TNNT2: variants seen among roughly 807,000 people sequenced by gnomAD.
TNNT2 encodes the protein troponin T2, cardiac type.
A neutral mutation model predicts 62.4 loss-of-function variants in TNNT2; 34 were observed. The observed-to-expected ratio is 0.54, with a 90% confidence interval of 0.41 to 0.72. The LOEUF is 0.72. TNNT2 is among the 30% of genes least tolerant of loss of function. The probability of loss-of-function intolerance (pLI) is 0.00; values close to 1 mark genes in which losing one functional copy is unlikely to be tolerated. For synonymous variants in TNNT2, 123 were observed against 127.2 expected (o/e 0.97, Z 0.22); for missense variants, 275 against 381.9 (o/e 0.72, Z 2.33).
intron 6 of TNNT2, 150 bp from the exon 7 acceptor site, chr1:201,367,956 A>T (rs935149065): frequency 3.7e-6 from 4 of 1,074,704 alleles, no homozygotes; most frequent in Admixed American, 1.7e-5. Context: ...TCACACACAC[A>T]TTCCCCTGGA....
Position 201,367,585 on chromosome 1 carries a change from A to T in TNNT2, c.199+186T>A, listed in dbSNP as rs1351063575. ...GTGCCACCAATGCAACTTCTCTGGG[A>T]GAAGGGGCAAAGTTGAAAGCTCAAC... On this transcript the variant is annotated intron_variant, in intron 7 of 16. Coordinates refer to ENST00000656932, the MANE Select transcript of TNNT2 (RefSeq NM_001276345.2). The T allele has an allele frequency of 7.0e-6, 5 of 712,486 alleles. No individual in the cohort carries two copies. The East Asian group carries it at 1.3e-4, about 18-fold the overall frequency. The allele number at this position is 712,486 out of a possible 1,614,324, so 44.1% of individuals were successfully genotyped here. A position where few individuals can be genotyped will look rare whatever the true frequency, so the allele number is the denominator to read the frequency against.
At chr1:201,364,218 T>C (rs1478569987) in intron 11 of TNNT2, 80 bp downstream of exon 11, 1 of 1,401,302 alleles carries the variant, frequency 7.1e-7, no homozygotes, top group African/African-American at 1.4e-5. Context: ...TTCATGTTGA[T>C]GAATAGAGAG....
intron 13 of TNNT2, 93 bp from the exon 14 acceptor site, chr1:201,362,115 G>A (rs1184646195): frequency 2.2e-6 from 3 of 1,392,100 alleles, no homozygotes; most frequent in African/African-American, 2.8e-5. Context: ...AGCAAGGCCT[G>A]CAGGAGGGCC....
At chr1:201,362,123 G>GC in intron 13 of TNNT2, 101 bp from the exon 14 acceptor site, 1 of 1,351,322 alleles carries the variant, frequency 7.4e-7, no homozygotes, top group Non-Finnish European at 1.1e-6. Context: ...CTGCAGGAGG[G>GC]CCAGGTTCTT....
At chr1:201,366,911 C>T (rs749737222) in intron 7 of TNNT2, 40 bp from the exon 8 acceptor site, 1 of 1,614,034 alleles carries the variant, frequency 6.2e-7, no homozygotes, top group Non-Finnish European at 8.5e-7. Context: ...GTCAGGGGGC[C>T]CCAGAAGTGG....
intron 6 of TNNT2, 135 bp from the exon 7 acceptor site, chr1:201,367,941 GTC>G (rs1465925780): frequency 5.3e-6 from 6 of 1,127,178 alleles, no homozygotes; most frequent in Non-Finnish European, 8.1e-6. Context: ...TTACAGAGCT[GTC>G]TCTCACACAC....
chr1:201,371,227 G>C (rs1660565458), intron 4 of TNNT2, among the ~76,000 whole-genome samples: 2 of 152,226 alleles, frequency 1.3e-5, no homozygotes, highest in Non-Finnish European at 2.9e-5. Context: ...GGTGCAGGGG[G>C]AGGACTGGAG....
chr1:201,375,982 C>G (rs753401932), intron 1 of TNNT2, among the ~76,000 whole-genome samples: 2 of 152,206 alleles, frequency 1.3e-5, no homozygotes, highest in Non-Finnish European at 2.9e-5. Context: ...GAGGACACCA[C>G]CATGCCAGTG....
At chr1:201,367,349 C>T in intron 7 of TNNT2, 1 of 384,018 alleles carries the variant, frequency 2.6e-6, no homozygotes, top group East Asian at 6.1e-5. Flanking sequence ...GTGACTGGGA[C>T]CACTTAGAAC....
intron 5 of TNNT2, among the ~76,000 whole-genome samples, chr1:201,368,994 C>T (rs1660161789): frequency 6.6e-6 from 1 of 152,180 alleles, no homozygotes; most frequent in Non-Finnish European, 1.5e-5. Flanking sequence ...TATTTGATCC[C>T]TGCAGGAGTC....
chr1:201,364,764 G>C (rs1364138588), intron 10 of TNNT2, among the ~76,000 whole-genome samples: 1 of 152,214 alleles, frequency 6.6e-6, no homozygotes, highest in Non-Finnish European at 1.5e-5. Flanking sequence ...AGTTTGATGG[G>C]GAGAAACAAA....
At chr1:201,368,743 G>T (rs777124785) in intron 5 of TNNT2, among the ~76,000 whole-genome samples, 6 of 152,210 alleles carry the variant, frequency 3.9e-5, no homozygotes, top group Non-Finnish European at 8.8e-5. Flanking sequence ...TCAGGCACTT[G>T]GTGTAGACAG....
chr1:201,365,625 C>G lies in TNNT2; in HGVS notation c.279G>C (p.Glu93Asp), dbSNP rs727503514. Residue 93 changes from glutamate (E) to aspartate (D), a missense_variant, in exon 9 of 17, where the codon GAG becomes GAC. Physicochemically the swap from Glu to Asp is conservative, Grantham distance 45. Coordinates refer to ENST00000656932, the MANE Select transcript of TNNT2 (RefSeq NM_001276345.2). The part of the protein sequence containing the change: ...NLVPPKIPDG[E>D]RVDFDDIHRK... ...CACCGCTTACATCAAAGTCCACTCT[C>G]TCTCCATCGGGGATCTTGGGAGGCA... 2.5e-6 allele frequency: 4 copies of G among 1,614,108 alleles called. No individual in the cohort carries two copies. The highest frequency in any genetic ancestry group is 2.5e-6 in the Non-Finnish European group (3 of 1,180,004).
intron 2 of TNNT2, 61 bp downstream of exon 2, chr1:201,373,152 AC>A: frequency 6.5e-7 from 1 of 1,537,450 alleles, no homozygotes; most frequent in Non-Finnish European, 9.0e-7. Flanking sequence ...AGGCTCCTGG[AC>A]CAGGTGTCAG....
At chr1:201,364,027 C>A (rs1659203091) in intron 11 of TNNT2, 8 of 455,364 alleles carry the variant, frequency 1.8e-5, no homozygotes, top group South Asian at 1.7e-4. Flanking sequence ...GCTAGGATGA[C>A]CGGCATGTGC....
At chr1:201,368,523 C>A in intron 5 of TNNT2, 1 of 521,112 alleles carries the variant, frequency 1.9e-6, no homozygotes, top group Non-Finnish European at 3.7e-6. Context: ...CACCACAGAA[C>A]ATGCTCTGCT....
At chr1:201,371,197 G>C (rs1660559648) in intron 4 of TNNT2, among the ~76,000 whole-genome samples, 1 of 152,182 alleles carries the variant, frequency 6.6e-6, no homozygotes, top group South Asian at 2.1e-4. Context: ...GCCACTAAAA[G>C]GCAGGGTCCA....
At chr1:201,372,063 G>A (rs141800807) in intron 3 of TNNT2, 22 bp from the exon 4 acceptor site, 1 of 1,613,896 alleles carries the variant, frequency 6.2e-7, no homozygotes, top group Non-Finnish European at 8.5e-7. Context: ...AGAAGTCCAG[G>A]CAGCAAGAGA....
Position 201,371,856 on chromosome 1 carries a change from C to T in TNNT2, c.67+171G>A, listed in dbSNP as rs375627895. 7.4e-4 allele frequency among the ~76,000 whole-genome samples: 113 copies of T among 152,260 alleles called. 1 individual carries two copies. The South Asian group carries it at 0.011, about 15-fold the overall frequency. The stretch of plus-strand genomic sequence containing the variant: ...GGTTTAAATCGTTTGCCTCAAGACC[C>T]GAGCAACCCAGGTAGGACTGATTCC... On this transcript the variant is annotated intron_variant, in intron 4 of 16. Coordinates refer to ENST00000656932, the MANE Select transcript of TNNT2 (RefSeq NM_001276345.2).
Sources: allele counts gnomAD v4.1 joint callset (sites outside exome capture counted in the v4.1 genomes callset), GRCh38; gene constraint gnomAD v4.1.1; transcripts MANE v1.5; gene names NCBI Gene and HGNC (gene_info 2026-07-23, HGNC 2026-07-21).